The following FAM118B variants were observed in gnomAD, a reference collection of about 807,000 sequenced individuals.
FAM118B encodes the protein protein FAM118B.
A neutral mutation model predicts 38.5 loss-of-function variants in FAM118B; 24 were observed. That is an observed-to-expected ratio of 0.62 (90% confidence interval 0.45 to 0.88). The LOEUF (loss-of-function observed/expected upper bound fraction) is 0.88. Among genes scored for constraint, FAM118B ranks in the 40% least tolerant of loss-of-function variants. FAM118B has a pLI of 0.00. For missense variants in FAM118B, 334 were observed against 420.0 expected (o/e 0.80, Z 1.79); for synonymous variants, 138 against 156.3 (o/e 0.88, Z 0.87).
At chr11:126,254,539 C>G in intron 6 of FAM118B, 106 bp downstream of exon 6, 1 of 1,461,074 alleles carries the variant, frequency 6.8e-7, no homozygotes, top group South Asian at 1.3e-5. Context: ...TAAGTGAAAA[C>G]GGAAGGTCAG....
At chr11:126,223,044 C>T (rs529143561) in intron 1 of FAM118B, among the ~76,000 whole-genome samples, 1 of 144,316 alleles carries the variant, frequency 6.9e-6, no homozygotes, top group Non-Finnish European at 1.5e-5. Context: ...GTGGGGAGGC[C>T]CTTGCAGAAT....
At chr11:126,246,092 T>C (rs1259173210) in intron 4 of FAM118B, among the ~76,000 whole-genome samples, 1 of 151,794 alleles carries the variant, frequency 6.6e-6, no homozygotes, top group Admixed American at 6.6e-5. Flanking sequence ...GTATCCAGAA[T>C]ATATAAAGAA....
chr11:126,212,917 G>A (rs950662146), intron 1 of FAM118B, among the ~76,000 whole-genome samples: 1 of 152,194 alleles, frequency 6.6e-6, no homozygotes, highest in East Asian at 1.9e-4. Context: ...AATGAATCTG[G>A]CAGTTGAATG....
At chr11:126,230,538 T>C (rs1165037509) in intron 2 of FAM118B, among the ~76,000 whole-genome samples, 1 of 152,232 alleles carries the variant, frequency 6.6e-6, no homozygotes, top group Admixed American at 6.5e-5. Context: ...GGAGGAAGCT[T>C]GCTGATCCTT....
At chr11:126,259,437 T>G (rs1291487998) in intron 7 of FAM118B, among the ~76,000 whole-genome samples, 1 of 150,846 alleles carries the variant, frequency 6.6e-6, no homozygotes, top group Admixed American at 6.6e-5. Flanking sequence ...TTTTTTTTTT[T>G]TTTTTTTGAG....
intron 1 of FAM118B, chr11:126,214,242 A>C (rs1164652897): frequency 2.7e-5 from 4 of 150,332 alleles, no homozygotes; most frequent in Admixed American, 2.0e-4. Context: ...AATCCCAGCT[A>C]CTCGGGAGGC....
intron 5 of FAM118B, 114 bp from the exon 6 acceptor site, chr11:126,254,191 A>G (rs892046960): frequency 1.4e-5 from 18 of 1,278,046 alleles, no homozygotes; most frequent in African/African-American, 1.0e-4. Flanking sequence ...TATATCATGA[A>G]GCTAGAGAGT....
chr11:126,257,829 T>A (rs903126716), intron 7 of FAM118B, among the ~76,000 whole-genome samples: 2 of 152,154 alleles, frequency 1.3e-5, no homozygotes, highest in Admixed American at 6.6e-5. Context: ...ATCATACACT[T>A]GATATTTTAC....
rs541587712 is a variant in FAM118B, at chr11:126,229,000, C to G, written c.-76-225C>G. Among the ~76,000 whole-genome samples, 3 of 152,290 alleles carry G rather than the reference C, an allele frequency of 2.0e-5. No individual in the cohort carries two copies. In the South Asian group the frequency reaches 6.2e-4, roughly 32 times the overall value. On this transcript the variant is annotated intron_variant, in intron 1 of 8. Transcript: ENST00000533050. ...AAGTAAGCTACTGAGGGTTATTTCTCATAGGTAACCCACACTATTTTTGTA... is the reference window on the plus strand; with the variant it reads ...AAGTAAGCTACTGAGGGTTATTTCTGATAGGTAACCCACACTATTTTTGTA...
chr11:126,241,074 T>G, intron 4 of FAM118B, 30 bp downstream of exon 4: 1 of 1,519,320 alleles, frequency 6.6e-7, no homozygotes, highest in Non-Finnish European at 8.8e-7. Context: ...CCACAGTATT[T>G]GGAATTTCCT....
At chr11:126,254,249 C>A in intron 5 of FAM118B, 56 bp from the exon 6 acceptor site, 1 of 1,585,976 alleles carries the variant, frequency 6.3e-7, no homozygotes, top group Non-Finnish European at 8.6e-7. Context: ...CCATTGTGAC[C>A]TTTAAACAGG....
chr11:126,243,486 A>T (rs1276843418), intron 4 of FAM118B, among the ~76,000 whole-genome samples: 2 of 151,674 alleles, frequency 1.3e-5, no homozygotes, highest in African/African-American at 4.8e-5. Flanking sequence ...AAAAAGGAAA[A>T]CTACAAACCA....
intron 1 of FAM118B, among the ~76,000 whole-genome samples, chr11:126,219,302 T>A (rs1950026523): frequency 6.7e-6 from 1 of 149,954 alleles, no homozygotes; most frequent in South Asian, 2.1e-4. Context: ...ACAGATTTCT[T>A]GTTTTCCTCG....
chr11:126,233,913 C>G (rs1950239324), intron 2 of FAM118B, among the ~76,000 whole-genome samples: 1 of 152,138 alleles, frequency 6.6e-6, no homozygotes, highest in African/African-American at 2.4e-5. Flanking sequence ...AAAACCCCCT[C>G]TCTACAAACA....
chr11:126,235,148 GC>G, intron 3 of FAM118B, 61 bp downstream of exon 3: 2 of 1,380,214 alleles, frequency 1.4e-6, no homozygotes, highest in Non-Finnish European at 2.1e-6. Flanking sequence ...AAGAAAAATA[GC>G]CAACTTATAC....
At chr11:126,247,655 C>G (rs1183995386) in intron 4 of FAM118B, among the ~76,000 whole-genome samples, 1 of 151,906 alleles carries the variant, frequency 6.6e-6, no homozygotes, top group Non-Finnish European at 1.5e-5. Flanking sequence ...GTCAGAAGTT[C>G]AAGACCAGCC....
At chr11:126,249,743 A>AG (rs1950471147) in intron 4 of FAM118B, among the ~76,000 whole-genome samples, 1 of 150,006 alleles carries the variant, frequency 6.7e-6, no homozygotes, top group African/African-American at 2.5e-5. Context: ...AAAAAAAAAA[A>AG]AAAAAAAAAA....
At chr11:126,219,886 T>C (rs1950041130) in intron 1 of FAM118B, among the ~76,000 whole-genome samples, 1 of 151,660 alleles carries the variant, frequency 6.6e-6, no homozygotes, top group Non-Finnish European at 1.5e-5. Context: ...CTCGAGCTGC[T>C]TGAGTTTTTT....
intron 4 of FAM118B, among the ~76,000 whole-genome samples, chr11:126,249,860 C>T (rs917016857): frequency 2.0e-5 from 3 of 152,150 alleles, no homozygotes; most frequent in Middle Eastern, 3.4e-3. Flanking sequence ...CCTGGCACCT[C>T]ATGAGAGGGT....
Sources: gnomAD v4.1 joint callset for allele counts (sites outside exome capture counted in the v4.1 genomes callset) on GRCh38, gnomAD v4.1.1 for gene constraint, MANE v1.5 for transcripts, NCBI Gene and HGNC (gene_info 2026-07-23, HGNC 2026-07-21) for gene names.